Variants in GARIN1B observed in about 807,000 individuals in gnomAD.
GARIN1B encodes golgi associated RAB2 interactor 1B, also known as Golgi-associated RAB2 interactor protein 1B.
chr7:128,710,691 T>G, the GARIN1B span, among the ~76,000 whole-genome samples: 1 of 74,904 alleles, frequency 1.3e-5, no homozygotes, highest in Non-Finnish European at 2.5e-5. Context: ...TTTCTTTTCC[T>G]TTTTTTTTTT....
the GARIN1B span, chr7:128,716,839 C>G: frequency 3.7e-6 from 6 of 1,612,012 alleles, no homozygotes; most frequent in Non-Finnish European, 4.2e-6. Context: ...ATTGGAGAGA[C>G]GTCTACAAAG....
the GARIN1B span, chr7:128,716,840 G>T: frequency 1.2e-6 from 2 of 1,612,564 alleles, no homozygotes; most frequent in Non-Finnish European, 1.7e-6. Context: ...TTGGAGAGAC[G>T]TCTACAAAGC....
the GARIN1B span, among the ~76,000 whole-genome samples, chr7:128,725,695 A>G: frequency 6.6e-6 from 1 of 152,140 alleles, no homozygotes; most frequent in East Asian, 1.9e-4. Context: ...TTAAATTACT[A>G]TTTAAAGAAC....
At chr7:128,726,317 T>C in the GARIN1B span, among the ~76,000 whole-genome samples, 3 of 152,126 alleles carry the variant, frequency 2.0e-5, no homozygotes, top group Non-Finnish European at 4.4e-5. Context: ...ATCGGAAGGA[T>C]GTAAGAAATG....
At chr7:128,709,767 T>TTTTTTTC in the GARIN1B span, among the ~76,000 whole-genome samples, 1 of 148,472 alleles carries the variant, frequency 6.7e-6, no homozygotes, top group Non-Finnish European at 1.5e-5. Flanking sequence ...TTTTTTTTTT[T>TTTTTTTC]TTTAGACGGA....
chr7:128,729,132 C>A, the GARIN1B span, among the ~76,000 whole-genome samples: 1 of 152,178 alleles, frequency 6.6e-6, no homozygotes, highest in Admixed American at 6.5e-5. Context: ...TTGAAATTAA[C>A]CATCCCAGGT....
chr7:128,726,729 C>T, the GARIN1B span: 1 of 1,313,046 alleles, frequency 7.6e-7, no homozygotes, highest in Non-Finnish European at 1.1e-6. Context: ...GTCTCTAAAG[C>T]TTTGCATCAG....
At chr7:128,723,263 G>T in the GARIN1B span, 1 of 1,613,306 alleles carries the variant, frequency 6.2e-7, no homozygotes, top group Non-Finnish European at 8.5e-7. Flanking sequence ...GACCAAGGGG[G>T]AGAGTGAAGC....
At chr7:128,715,240 A>G in the GARIN1B span, 1 of 1,411,498 alleles carries the variant, frequency 7.1e-7, no homozygotes, top group East Asian at 2.6e-5. Context: ...AGGCACGGAT[A>G]AGGCACACAA....
the GARIN1B span, among the ~76,000 whole-genome samples, chr7:128,727,758 C>G: frequency 8.9e-3 from 1,360 of 152,200 alleles, 27 homozygotes; most frequent in African/African-American, 0.031. Flanking sequence ...TCCCTTCCCC[C>G]GATGCTTCAC....
chr7:128,718,897 G>GCTGT, the GARIN1B span: 1 of 1,614,184 alleles, frequency 6.2e-7, no homozygotes, highest in South Asian at 1.1e-5. Context: ...TGCAGTTGAG[G>GCTGT]ACAGTCACTG....
chr7:128,709,333 T>C, the GARIN1B span: 1 of 152,240 alleles, frequency 6.6e-6, no homozygotes, highest in African/African-American at 2.4e-5. Context: ...CTCTCCTTTA[T>C]TTGCACATAC....
the GARIN1B span, among the ~76,000 whole-genome samples, chr7:128,719,275 T>C: frequency 1.3e-5 from 2 of 151,978 alleles, no homozygotes; most frequent in Admixed American, 1.3e-4. Flanking sequence ...TTTTGTTTTA[T>C]ATATATTTTA....
At chr7:128,722,584 T>A in the GARIN1B span, among the ~76,000 whole-genome samples, 1 of 152,128 alleles carries the variant, frequency 6.6e-6, no homozygotes, top group Non-Finnish European at 1.5e-5. Context: ...GGTGGGCAGA[T>A]CACGAGGTCA....
chr7:128,720,492 C>CT, the GARIN1B span, among the ~76,000 whole-genome samples: 1 of 152,082 alleles, frequency 6.6e-6, no homozygotes, highest in South Asian at 2.1e-4. Flanking sequence ...GAAACTTTTT[C>CT]TTTTATGGAT....
the GARIN1B span, among the ~76,000 whole-genome samples, chr7:128,728,441 TA>T: frequency 0.97 from 145,992 of 149,748 alleles, 71,176 homozygotes; most frequent in South Asian, 0.99. Flanking sequence ...GACTCAGACT[TA>T]AAAAAAAAAA....
At chr7:128,721,720 T>C in the GARIN1B span, among the ~76,000 whole-genome samples, 3 of 152,248 alleles carry the variant, frequency 2.0e-5, no homozygotes, top group African/African-American at 7.2e-5. Context: ...ATGCTTATTA[T>C]GAATATTTGT....
chr7:128,731,005 AT>A, the GARIN1B span: 1 of 1,200,058 alleles, frequency 8.3e-7, no homozygotes, highest in African/African-American at 1.5e-5. Context: ...ATAGTTGACA[AT>A]TTTTTTAAAT....
the GARIN1B span, among the ~76,000 whole-genome samples, chr7:128,714,913 CG>C: frequency 6.6e-6 from 1 of 152,132 alleles, no homozygotes; most frequent in African/African-American, 2.4e-5. Context: ...CAGCCTGCCG[CG>C]GCAGAATGCA....
Sources: allele counts gnomAD v4.1 joint callset (sites outside exome capture counted in the v4.1 genomes callset), GRCh38; gene constraint gnomAD v4.1.1; transcripts MANE v1.5; gene names NCBI Gene and HGNC (gene_info 2026-07-23, HGNC 2026-07-21).